RARB: variants seen among roughly 807,000 people sequenced by gnomAD.
RARB encodes retinoic acid receptor beta.
RARB carries 17 observed loss-of-function variants against 51.9 expected under a neutral mutation model. The ratio of observed to expected loss-of-function variants is 0.33; its 90% CI spans 0.22 to 0.49. The LOEUF is 0.49. Ranked by LOEUF, RARB falls within the 20% of genes least tolerant of loss-of-function variation. The pLI, the probability that RARB is intolerant of heterozygous loss-of-function variation, is 0.99. For synonymous variants in RARB, 215 were observed against 195.4 expected (o/e 1.10, Z -0.84); for missense variants, 369 against 550.8 (o/e 0.67, Z 3.30).
chr3:25,115,248 C>A (rs2125326865), intron 3 of RARB, among the ~76,000 whole-genome samples: 1 of 152,218 alleles, frequency 6.6e-6, no homozygotes, highest in Admixed American at 6.5e-5. Flanking sequence ...GGAGAAATTT[C>A]AAGAAGTATA....
chr3:24,906,291 TTA>T (rs1694862725), intron 2 of RARB, among the ~76,000 whole-genome samples: 1 of 152,126 alleles, frequency 6.6e-6, no homozygotes, highest in African/African-American at 2.4e-5. Flanking sequence ...ATGGCTGGGT[TTA>T]GAGAAGAATG....
chr3:24,997,235 G>C (rs893909941), intron 2 of RARB, among the ~76,000 whole-genome samples: 3 of 151,962 alleles, frequency 2.0e-5, no homozygotes, highest in Non-Finnish European at 4.4e-5. Context: ...CGTTTTTATA[G>C]CTTTTAACTT....
chr3:25,526,233 G>C (rs1056520617), intron 3 of RARB, among the ~76,000 whole-genome samples: 1 of 152,178 alleles, frequency 6.6e-6, no homozygotes, highest in African/African-American at 2.4e-5. Flanking sequence ...AAAGAAGACT[G>C]CTGGGGCTGG....
At chr3:25,242,348 G>C (rs1283873196) in intron 5 of RARB, among the ~76,000 whole-genome samples, 1 of 152,118 alleles carries the variant, frequency 6.6e-6, no homozygotes, top group Non-Finnish European at 1.5e-5. Context: ...TGTTGACATT[G>C]CTTTTGGTGT....
intron 2 of RARB, among the ~76,000 whole-genome samples, chr3:24,989,231 C>T (rs1696860561): frequency 6.6e-6 from 1 of 152,138 alleles, no homozygotes; most frequent in African/African-American, 2.4e-5. Flanking sequence ...ATCTATGTGG[C>T]AGGAATGCGA....
At chr3:24,870,426 A>G (rs9310762) in intron 2 of RARB, among the ~76,000 whole-genome samples, 40,991 of 151,880 alleles carry the variant, frequency 0.27, 8,029 homozygotes, top group East Asian at 0.61. Flanking sequence ...TGTTTCTGTC[A>G]TAAGTCAAAT....
At chr3:25,302,813 C>T (rs917777835) in intron 5 of RARB, among the ~76,000 whole-genome samples, 1 of 152,178 alleles carries the variant, frequency 6.6e-6, no homozygotes, top group Admixed American at 6.5e-5. Flanking sequence ...TGGGCTGTGC[C>T]CCCATGGAAA....
At chr3:25,411,335 A>T (rs1246375412) in intron 5 of RARB, among the ~76,000 whole-genome samples, 1 of 152,198 alleles carries the variant, frequency 6.6e-6, no homozygotes, top group Non-Finnish European at 1.5e-5. Context: ...ATTTTATGAA[A>T]TGATAAAAAC....
intron 5 of RARB, among the ~76,000 whole-genome samples, chr3:25,286,299 A>G (rs1703653915): frequency 6.6e-6 from 1 of 152,066 alleles, no homozygotes; most frequent in Non-Finnish European, 1.5e-5. Context: ...CGTGTTAGCC[A>G]GGATGGTCTC....
chr3:25,186,789 A>G (rs1700986830), intron 5 of RARB, among the ~76,000 whole-genome samples: 1 of 152,068 alleles, frequency 6.6e-6, no homozygotes, highest in African/African-American at 2.4e-5. Flanking sequence ...ATAACAAAAG[A>G]CAGATTAACA....
intron 2 of RARB, among the ~76,000 whole-genome samples, chr3:24,916,611 C>T (rs1408735274): frequency 2.6e-5 from 4 of 152,060 alleles, no homozygotes; most frequent in Non-Finnish European, 5.9e-5. Flanking sequence ...TCCCAGAAAG[C>T]ATATTGATGA....
At chr3:25,168,771 A>C (rs1700598338) in intron 4 of RARB, among the ~76,000 whole-genome samples, 1 of 152,188 alleles carries the variant, frequency 6.6e-6, no homozygotes, top group Admixed American at 6.5e-5. Context: ...TCTACCATCT[A>C]AATAAGATTT....
intron 3 of RARB, among the ~76,000 whole-genome samples, chr3:25,567,125 G>GT (rs1700527687): frequency 6.6e-6 from 1 of 152,148 alleles, no homozygotes; most frequent in Admixed American, 6.5e-5. Flanking sequence ...AGGGCTCTGG[G>GT]TTTTTTGTTG....
intron 4 of RARB, among the ~76,000 whole-genome samples, chr3:25,161,452 T>C (rs1385631977): frequency 1.3e-5 from 2 of 152,182 alleles, no homozygotes; most frequent in East Asian, 1.9e-4. Flanking sequence ...GGGGCCATTC[T>C]GCTGTCTACC....
At chr3:25,070,245 C>T (rs1698741982) in intron 3 of RARB, among the ~76,000 whole-genome samples, 1 of 152,142 alleles carries the variant, frequency 6.6e-6, no homozygotes, top group Admixed American at 6.6e-5. Flanking sequence ...CACCCTACTC[C>T]AGTGTTATCT....
chr3:24,863,306 T>C (rs1702789104), intron 2 of RARB, among the ~76,000 whole-genome samples: 1 of 152,204 alleles, frequency 6.6e-6, no homozygotes, highest in Admixed American at 6.5e-5. Context: ...GATGCTTTGT[T>C]TATAACCAGA....
intron 3 of RARB, among the ~76,000 whole-genome samples, chr3:25,069,013 GA>G (rs11303156): frequency 0.066 from 9,322 of 140,594 alleles, 481 homozygotes; most frequent in East Asian, 0.17. Flanking sequence ...ATCTTCCTCT[GA>G]AAAAAAAAAA....
At chr3:25,173,783 T>C (rs564978000) in intron 4 of RARB, among the ~76,000 whole-genome samples, 1 of 152,250 alleles carries the variant, frequency 6.6e-6, no homozygotes, top group East Asian at 1.9e-4. Context: ...TGCATGCTAA[T>C]GGGGGAGACA....
At chr3:25,426,267 C>T (rs1315200734), upstream of RARB, among the ~76,000 whole-genome samples, 4 of 152,208 alleles carry the variant, frequency 2.6e-5, no homozygotes, top group Non-Finnish European at 5.9e-5. Context: ...CAATAAGTCT[C>T]TGTTACAAAA....
Sources: gnomAD v4.1 joint callset for allele counts (sites outside exome capture counted in the v4.1 genomes callset) on GRCh38, gnomAD v4.1.1 for gene constraint, MANE v1.5 for transcripts, NCBI Gene and HGNC (gene_info 2026-07-23, HGNC 2026-07-21) for gene names.